CCDC6: variants seen among roughly 807,000 people sequenced by gnomAD.
CCDC6 encodes coiled-coil domain containing 6, also known as coiled-coil domain-containing protein 6.
A neutral mutation model predicts 56.6 loss-of-function variants in CCDC6; 20 were observed. The ratio of observed to expected loss-of-function variants is 0.35; its 90% CI spans 0.25 to 0.51. CCDC6 has a LOEUF of 0.51. CCDC6 is among the 20% of genes least tolerant of loss of function. CCDC6 has a pLI of 0.95. For synonymous variants in CCDC6, 241 were observed against 234.4 expected, an observed-to-expected ratio of 1.03 and a Z score of -0.26; for missense variants, 367 against 601.1, an observed-to-expected ratio of 0.61 and a Z score of 4.07.
At chr10:59,863,742 T>A (rs1470701078) in intron 1 of CCDC6, among the ~76,000 whole-genome samples, 1 of 152,178 alleles carries the variant, frequency 6.6e-6, no homozygotes, top group Non-Finnish European at 1.5e-5. Context: ...TTTTCATATA[T>A]CAGAAATATC....
At chr10:59,821,395 G>C (rs10994031) in intron 3 of CCDC6, among the ~76,000 whole-genome samples, 22,560 of 152,172 alleles carry the variant, frequency 0.15, 2,008 homozygotes, top group African/African-American at 0.24. Flanking sequence ...CTGTTCAGGT[G>C]ATCAGTGGAA....
chr10:59,813,993 C>G (rs2070692667), intron 4 of CCDC6, among the ~76,000 whole-genome samples: 1 of 152,106 alleles, frequency 6.6e-6, no homozygotes, highest in Non-Finnish European at 1.5e-5. Context: ...TTTTTACACC[C>G]GTACACACAT....
At chr10:59,892,407 A>AACCC (rs2071428959) in intron 1 of CCDC6, among the ~76,000 whole-genome samples, 2 of 152,150 alleles carry the variant, frequency 1.3e-5, no homozygotes, top group Non-Finnish European at 2.9e-5. Flanking sequence ...AACCCTTGGA[A>AACCC]ACCCACTCAG....
At chr10:59,799,001 A>G (rs2070550209) in intron 7 of CCDC6, among the ~76,000 whole-genome samples, 1 of 149,246 alleles carries the variant, frequency 6.7e-6, no homozygotes, top group Non-Finnish European at 1.5e-5. Flanking sequence ...CAAAAAAAAA[A>G]AAAAAAAAAA....
chr10:59,827,359 T>C (rs1277118994), intron 3 of CCDC6, among the ~76,000 whole-genome samples: 9 of 152,202 alleles, frequency 5.9e-5, no homozygotes, highest in Admixed American at 5.9e-4. Flanking sequence ...ACACATACAA[T>C]TATATATCAT....
intron 2 of CCDC6, among the ~76,000 whole-genome samples, chr10:59,848,029 A>C (rs2071008089): frequency 6.6e-6 from 1 of 151,956 alleles, no homozygotes; most frequent in Non-Finnish European, 1.5e-5. Flanking sequence ...TGTGCACAAC[A>C]TGTTAACTAG....
chr10:59,847,014 C>CA (rs1321762793), intron 2 of CCDC6, among the ~76,000 whole-genome samples: 2 of 152,068 alleles, frequency 1.3e-5, no homozygotes, highest in African/African-American at 4.8e-5. Context: ...TTCCAGTAGG[C>CA]ATTTGTGATT....
intron 2 of CCDC6, 140 bp downstream of exon 2, chr10:59,852,413 T>C: frequency 1.6e-6 from 1 of 622,132 alleles, no homozygotes; most frequent in Non-Finnish European, 2.6e-6. Flanking sequence ...CTGCCACCCT[T>C]ACCTGGTATT....
intron 8 of CCDC6, among the ~76,000 whole-genome samples, chr10:59,793,654 T>C (rs1437540289): frequency 2.0e-5 from 3 of 152,028 alleles, no homozygotes; most frequent in Non-Finnish European, 4.4e-5. Context: ...TGTGGTGCCG[T>C]GTGCCTGTAA....
chr10:59,862,516 TACACACACACACAC>T lies in CCDC6; in HGVS notation c.304-9828_304-9815del, dbSNP rs60162547. Among the ~76,000 whole-genome samples the T allele has an allele frequency of 1.9e-3, 188 of 97,192 alleles. 15 individuals carry two copies. The East Asian group carries it at 0.038, about 19-fold the overall frequency. 63.8% of individuals were successfully genotyped at this position (97,192 alleles called of 152,430 possible). A position where few individuals can be genotyped will look rare whatever the true frequency, so the allele number is the denominator to read the frequency against. ...AAAAAAAAAAGTATATATATATATA[TACACACACACACAC>T]ACACACACACACACACACACACACA... On this transcript the variant is annotated intron_variant, in intron 1 of 8. Transcript: ENST00000263102.
chr10:59,861,056 C>T (rs189381203), intron 1 of CCDC6, among the ~76,000 whole-genome samples: 24 of 152,074 alleles, frequency 1.6e-4, no homozygotes, highest in Admixed American at 6.6e-4. Flanking sequence ...CTTACCTGGC[C>T]GTGGTAGCGA....
At chr10:59,905,053 T>G (rs534298674) in intron 1 of CCDC6, among the ~76,000 whole-genome samples, 1 of 152,360 alleles carries the variant, frequency 6.6e-6, no homozygotes, top group East Asian at 1.9e-4. Context: ...CCTTGATTTC[T>G]TGACATCATC....
chr10:59,816,159 TCTGAGCCAGA>T (rs2070708208), intron 3 of CCDC6, among the ~76,000 whole-genome samples: 1 of 152,168 alleles, frequency 6.6e-6, no homozygotes, highest in African/African-American at 2.4e-5. Context: ...TTGTTCCACA[TCTGAGCCAGA>T]ATGAATATGC....
chr10:59,896,340 A>G (rs2071463627), intron 1 of CCDC6, among the ~76,000 whole-genome samples: 1 of 152,240 alleles, frequency 6.6e-6, no homozygotes, highest in Non-Finnish European at 1.5e-5. Context: ...AGCTCTTGCC[A>G]TGGGTTATTC....
At position 59,832,561 on chromosome 10, in the gene CCDC6, C is replaced by T. The variant is rs747557365; in HGVS notation, c.546G>A (p.Glu182=). Residue 182 remains glutamate (E), a synonymous_variant, in exon 3 of 9, where the codon GAG becomes GAA. Coordinates refer to ENST00000263102, the MANE Select transcript of CCDC6 (RefSeq NM_005436.5). The part of the protein sequence containing the change: ...NKLMKKIKKL[E]NDTISKQLTL... ...TAAGTTGCTTAGAAATGGTGTCATT[C>T]TCCAGTTTTTTAATTTTCTTCATCA... The T allele has an allele frequency of 3.7e-6, 6 of 1,613,322 alleles. No homozygotes were observed. The highest frequency in any genetic ancestry group is 2.2e-5 in the East Asian group (1 of 44,838).
At chr10:59,816,624 C>T (rs1471324211) in intron 3 of CCDC6, among the ~76,000 whole-genome samples, 1 of 152,192 alleles carries the variant, frequency 6.6e-6, no homozygotes, top group African/African-American at 2.4e-5. Context: ...TTACAGTGAG[C>T]ATTACATTTG....
intron 1 of CCDC6, among the ~76,000 whole-genome samples, chr10:59,872,767 T>C (rs1395917169): frequency 1.8e-5 from 2 of 109,686 alleles, no homozygotes; most frequent in Admixed American, 1.1e-4. Flanking sequence ...TCAAAGAGGA[T>C]AACTTTCCAG....
At chr10:59,882,873 T>G (rs1405945799) in intron 1 of CCDC6, among the ~76,000 whole-genome samples, 1 of 151,830 alleles carries the variant, frequency 6.6e-6, no homozygotes, top group Non-Finnish European at 1.5e-5. Flanking sequence ...GGCAGGAGAA[T>G]CGCTTGAACC....
chr10:59,851,131 G>GAAAAA (rs372606692), intron 2 of CCDC6, among the ~76,000 whole-genome samples: 12 of 46,748 alleles, frequency 2.6e-4, no homozygotes, highest in African/African-American at 2.4e-4. Flanking sequence ...CATGTAAATT[G>GAAAAA]AAAAAAAAAA....
Sources: allele counts gnomAD v4.1 joint callset (sites outside exome capture counted in the v4.1 genomes callset), GRCh38; gene constraint gnomAD v4.1.1; transcripts MANE v1.5; gene names NCBI Gene and HGNC (gene_info 2026-07-23, HGNC 2026-07-21).